Variants in SH3BP4 observed in about 807,000 individuals in gnomAD.
The protein encoded by SH3BP4 is SH3 domain binding protein 4, also known as SH3 domain-binding protein 4.
A neutral mutation model predicts 65.5 loss-of-function variants in SH3BP4; 33 were observed. That is an observed-to-expected ratio of 0.50 (90% confidence interval 0.38 to 0.67). The LOEUF is 0.67. SH3BP4 is among the 30% of genes least tolerant of loss of function. The pLI, the probability that SH3BP4 is intolerant of heterozygous loss-of-function variation, is 0.00. For synonymous variants in SH3BP4, 552 were observed against 545.5 expected (o/e 1.01, Z -0.17); for missense variants, 1,134 against 1,261.4 (o/e 0.90, Z 1.53).
Position 235,026,249 on chromosome 2 carries a change from C to T in SH3BP4, c.-132-8622C>T, listed in dbSNP as rs1432502777. ...CCTGACCTGTCGGGGGATCCCCAGCCTCAGATGTTCTCAGTCTGGCCAGTG... is the reference window on the plus strand; with the variant it reads ...CCTGACCTGTCGGGGGATCCCCAGCTTCAGATGTTCTCAGTCTGGCCAGTG... On this transcript the variant is annotated intron_variant, in intron 2 of 5. Transcript: ENST00000392011. The surrounding 1 kb of genome is among the most constrained non-coding windows in gnomAD (Gnocchi z 4.6). Among the ~76,000 whole-genome samples, 4 of 152,182 alleles carry T rather than the reference C, an allele frequency of 2.6e-5. No homozygotes were observed. The highest frequency in any genetic ancestry group is 7.2e-5 in the African/African-American group (3 of 41,442).
intron 1 of SH3BP4, among the ~76,000 whole-genome samples, chr2:234,971,612 T>C (rs1260456831): frequency 6.6e-6 from 1 of 152,214 alleles, no homozygotes; most frequent in African/African-American, 2.4e-5. Context: ...CCGTCGACAG[T>C]GTACAAGGGT....
chr2:235,038,594 T>C (rs1574841980), intron 3 of SH3BP4, among the ~76,000 whole-genome samples: 1 of 151,038 alleles, frequency 6.6e-6, no homozygotes, highest in East Asian at 2.0e-4. Context: ...AGGGATTTGA[T>C]GAGGTGTGGA....
At position 235,055,460 on chromosome 2, in the gene SH3BP4, C is replaced by T. The variant is rs939116302; in HGVS notation, c.*1644C>T. The T allele has an allele frequency of 6.6e-6, 1 of 152,640 alleles. No individual in the cohort carries two copies. The highest frequency in any genetic ancestry group is 1.5e-5 in the Non-Finnish European group (1 of 68,042). The allele number at this position is 152,640 out of a possible 1,614,324, so 9.5% of individuals were successfully genotyped here. On this transcript the variant is annotated 3_prime_UTR_variant, in exon 6 of 6. Coordinates refer to ENST00000392011, the MANE Select transcript of SH3BP4 (RefSeq NM_014521.3). ...CCATATAACCTTCGATTGTGCTTCTCAACTCCACCCCATAATTTCTCCCAG... is the reference window on the plus strand; with the variant it reads ...CCATATAACCTTCGATTGTGCTTCTTAACTCCACCCCATAATTTCTCCCAG...
chr2:234,970,019 ACT>A lies in SH3BP4; in HGVS notation c.-207+17850_-207+17851del, dbSNP rs146784441. Among the ~76,000 whole-genome samples, 139 of 149,950 alleles carry A rather than the reference ACT, an allele frequency of 9.3e-4. 1 individual carries two copies. The East Asian group carries it at 0.014, about 15-fold the overall frequency. ...CACACTCGCTGTCTCACACACACAC[ACT>A]GTCACACACTCACAAATACACTTAC... On this transcript the variant is annotated intron_variant, in intron 1 of 5. Coordinates refer to ENST00000392011, the MANE Select transcript of SH3BP4 (RefSeq NM_014521.3).
At chr2:234,998,102 G>A (rs1209517207) in intron 2 of SH3BP4, among the ~76,000 whole-genome samples, 4 of 151,950 alleles carry the variant, frequency 2.6e-5, no homozygotes, top group East Asian at 1.9e-4. Flanking sequence ...CAGCCTGGGC[G>A]ACAGAGCGAG....
chr2:235,008,999 G>A (rs573810161), intron 2 of SH3BP4, among the ~76,000 whole-genome samples: 19 of 152,296 alleles, frequency 1.2e-4, no homozygotes, highest in African/African-American at 3.6e-4. Context: ...ACAGGTGGAC[G>A]GACAGCTTGT....
chr2:235,046,750 G>GATGA lies in SH3BP4; in HGVS notation c.2478+3523_2478+3526dup, dbSNP rs59781959. Reference sequence around the variant, plus strand: ...ATGAATGATGGATGAATGAATGAATGATGAATGAATGAATGAATGAATGCA... The same window carrying GATGA: ...ATGAATGATGGATGAATGAATGAATGATGAATGAATGAATGAATGAATGAATGCA... On this transcript the variant is annotated intron_variant, in intron 4 of 5. Transcript: ENST00000392011. The surrounding 1 kb of genome is among the most constrained non-coding windows in gnomAD (Gnocchi z 4.2). Among the ~76,000 whole-genome samples, 23,200 of 151,460 alleles carry GATGA rather than the reference G, an allele frequency of 0.15. 1,850 individuals are homozygous for GATGA. Among genetic ancestry groups the GATGA allele is most frequent in the African/African-American group, 0.2 (8,273 of 40,958 alleles).
chr2:235,042,679 C>T lies in SH3BP4; in HGVS notation c.1910C>T (p.Ser637Phe). ...KKNEVGKIIL[S>F]PFATTTKYPT... ...AACGAAGTCGGGAAAATCATCCTGT[C>T]CCCGTTTGCCACCACTACAAAGTAC... Residue 637 changes from serine to phenylalanine, a missense_variant, in exon 4 of 6, where the codon TCC (serine) becomes TTC (phenylalanine). By Grantham distance (155) the Ser-to-Phe change is radical. Coordinates refer to ENST00000392011, the MANE Select transcript of SH3BP4 (RefSeq NM_014521.3). The surrounding 1 kb of genome is among the most constrained non-coding windows in gnomAD (Gnocchi z 7.3). 6.8e-6 allele frequency: 11 copies of T among 1,614,184 alleles called. No individual in the cohort carries two copies. The highest frequency in any genetic ancestry group is 1.1e-5 in the South Asian group (1 of 91,086).
chr2:235,051,749 C>A (rs6736381), intron 4 of SH3BP4, among the ~76,000 whole-genome samples: 41,499 of 151,932 alleles, frequency 0.27, 7,532 homozygotes, highest in African/African-American at 0.53. Flanking sequence ...GCCTGAGTCC[C>A]CCAGCCTTCT....
At chr2:235,029,099 G>C (rs1203912144) in intron 2 of SH3BP4, among the ~76,000 whole-genome samples, 1 of 152,274 alleles carries the variant, frequency 6.6e-6, no homozygotes, top group Admixed American at 6.5e-5. Flanking sequence ...AGGCCTGCTG[G>C]AGAGGAGCTG....
At chr2:235,000,280 C>T (rs967713194) in intron 2 of SH3BP4, among the ~76,000 whole-genome samples, 4 of 152,238 alleles carry the variant, frequency 2.6e-5, no homozygotes, top group Admixed American at 6.5e-5. Flanking sequence ...CTGGGCCTCA[C>T]TTCTCCTACC....
chr2:235,003,039 G>A (rs1694181889), intron 2 of SH3BP4, among the ~76,000 whole-genome samples: 1 of 152,260 alleles, frequency 6.6e-6, no homozygotes, highest in South Asian at 2.1e-4. Flanking sequence ...TGTGTGCCAG[G>A]AGGCAGGTCT....
At chr2:235,050,644 CA>C (rs1673181074) in intron 4 of SH3BP4, among the ~76,000 whole-genome samples, 1 of 151,602 alleles carries the variant, frequency 6.6e-6, no homozygotes, top group Non-Finnish European at 1.5e-5. Flanking sequence ...CACAAGTCGC[CA>C]AAAAGGTCAC....
intron 3 of SH3BP4, among the ~76,000 whole-genome samples, chr2:235,036,959 C>T (rs931128550): frequency 4.6e-5 from 7 of 151,928 alleles, no homozygotes; most frequent in Admixed American, 3.3e-4. Flanking sequence ...ACCTCCGAGG[C>T]GCCACATGTG....
Position 234,963,804 on chromosome 2 carries a change from G to C in SH3BP4, c.-207+11634G>C, listed in dbSNP as rs150947939. The stretch of plus-strand genomic sequence containing the variant: ...CATGGGTGTCCAGAGTGATTTTGTG[G>C]CTGTGTCACTTGATCAGCTGTGACA... On this transcript the variant is annotated intron_variant, in intron 1 of 5. Transcript: ENST00000392011. Among the ~76,000 whole-genome samples, 296 of 152,242 alleles carry C rather than the reference G, an allele frequency of 1.9e-3. 1 individual carries two copies. Among genetic ancestry groups the C allele is most frequent in the Non-Finnish European group, 3.7e-3 (255 of 68,016 alleles).
At position 235,042,322 on chromosome 2, in the gene SH3BP4, C is replaced by G; in HGVS notation, c.1553C>G (p.Pro518Arg). 6.2e-7 allele frequency: 1 copy of G among 1,614,168 alleles called. No homozygotes were observed. The highest frequency in any genetic ancestry group is 1.6e-4 in the Middle Eastern group (1 of 6,062). ...ACACGCCAGGCACCCAACCCTGCCC[C>G]GGTGGCCCTGCAGCTGTGGGGGAAG... The part of the protein sequence containing the change: ...EVTRQAPNPA[P>R]VALQLWGKHQ... The change falls in exon 4 of 6, where the codon CCG becomes CGG. Residue 518 changes from proline to arginine, a missense_variant. Transcript: ENST00000392011. This position sits in a 1 kb window ranked among gnomAD's most constrained non-coding sequence, Gnocchi z 7.3.
rs562911543 is a variant in SH3BP4, at chr2:235,019,243, G to A, written c.-132-15628G>A. ...GTGGAACCAGGGAGCCCAGGAGGGC[G>A]CTGCAGGGCACTCAGGTGAGTGATG... On this transcript the variant is annotated intron_variant, in intron 2 of 5. Coordinates refer to ENST00000392011, the MANE Select transcript of SH3BP4 (RefSeq NM_014521.3). 1.5e-4 allele frequency among the ~76,000 whole-genome samples: 23 copies of A among 152,200 alleles called. No homozygotes were observed. In the South Asian group the frequency reaches 1.9e-3, roughly 12 times the overall value.
At chr2:235,006,349 T>C (rs906129146) in intron 2 of SH3BP4, among the ~76,000 whole-genome samples, 4 of 152,146 alleles carry the variant, frequency 2.6e-5, no homozygotes, top group Non-Finnish European at 5.9e-5. Flanking sequence ...ATACGCATCA[T>C]GGGTTTGGTC....
chr2:235,001,846 G>A (rs1694110155), intron 2 of SH3BP4, among the ~76,000 whole-genome samples: 1 of 152,150 alleles, frequency 6.6e-6, no homozygotes. Flanking sequence ...AAAGGAGGGT[G>A]AGGTGTTTTG....
Sources: allele counts gnomAD v4.1 joint callset (sites outside exome capture counted in the v4.1 genomes callset), GRCh38; gene constraint gnomAD v4.1.1; non-coding constraint Gnocchi (gnomAD v3.1); transcripts MANE v1.5; gene names NCBI Gene and HGNC (gene_info 2026-07-23, HGNC 2026-07-21).